The following WDR49 variants were observed in gnomAD, a reference collection of about 807,000 sequenced individuals.
WDR49 encodes the protein cilia- and flagella-associated protein 337.
Under a neutral mutation model 119.5 loss-of-function variants are expected in WDR49, and 107 were observed. That is an observed-to-expected ratio of 0.90 (90% CI 0.77 to 1.05). The LOEUF is 1.05. Ranked by LOEUF, WDR49 falls within the 50% of genes least tolerant of loss-of-function variation. The pLI is 0.00. For synonymous variants in WDR49, 425 were observed against 418.8 expected (o/e 1.01, Z -0.18); for missense variants, 1,240 against 1,220.5 (o/e 1.02, Z -0.24).
At chr3:167,594,943 C>G (rs1180001107) in intron 7 of WDR49, among the ~76,000 whole-genome samples, 21 of 150,498 alleles carry the variant, frequency 1.4e-4, no homozygotes, top group African/African-American at 4.4e-4. Flanking sequence ...TCTTTGCAGA[C>G]GACATGATTG....
chr3:167,579,762 A>C (rs560769300), intron 7 of WDR49, among the ~76,000 whole-genome samples: 7 of 152,266 alleles, frequency 4.6e-5, no homozygotes, highest in Non-Finnish European at 8.8e-5. Context: ...AGAATTGATA[A>C]GCTTTTATTT....
Position 167,620,547 on chromosome 3 carries a change from A to C in WDR49, c.840T>G (p.Ser280Arg), listed in dbSNP as rs1353724515. The C allele has an allele frequency of 1.1e-5, 17 of 1,535,640 alleles. No individual in the cohort carries two copies. The East Asian group carries it at 4.2e-4, about 38-fold the overall frequency. The change falls in exon 5 of 19, where the codon AGT becomes AGG. Residue 280 changes from serine (S) to arginine (R), a missense_variant. Physicochemically the swap from Ser to Arg is moderately radical, Grantham distance 110 (BLOSUM62 -1). Coordinates refer to ENST00000682715, the MANE Select transcript of WDR49 (RefSeq NM_001366157.1). ...TAGTGGCTTCTCCATCTTCACATGC[A>C]CTAGCAGGCCGTTCAAACAGGGAAA... The part of the protein sequence containing the change: ...ALISLFERPA[S>R]ACEDGEATMT...
intron 18 of WDR49, among the ~76,000 whole-genome samples, chr3:167,485,366 A>T (rs2108191684): frequency 6.6e-6 from 1 of 152,158 alleles, no homozygotes; most frequent in Admixed American, 6.6e-5. Context: ...AAATAAAAAT[A>T]AAAATAAATA....
rs886132895 is a variant in WDR49, at chr3:167,616,785, A to G, written c.958+3644T>C. Among the ~76,000 whole-genome samples, 7 of 152,172 alleles carry G rather than the reference A, an allele frequency of 4.6e-5. 1 individual carries two copies. The highest frequency in any genetic ancestry group is 9.7e-5 in the African/African-American group (4 of 41,430). ...CACATATACACACACCCCAAGAAAA[A>G]CTAAGGTACATCATAATCAAATGGC... On this transcript the variant is annotated intron_variant, in intron 5 of 18. Transcript: ENST00000682715.
chr3:167,537,950 G>C (rs1004818650), intron 10 of WDR49, among the ~76,000 whole-genome samples: 2 of 152,034 alleles, frequency 1.3e-5, no homozygotes, highest in South Asian at 2.1e-4. Flanking sequence ...CAGCCTCAGA[G>C]TTTCCAGTAT....
chr3:167,562,308 A>G (rs1004845173), intron 8 of WDR49, among the ~76,000 whole-genome samples: 2 of 152,138 alleles, frequency 1.3e-5, no homozygotes, highest in African/African-American at 2.4e-5. Context: ...AGTCCAGGTA[A>G]GAGATTCTCA....
rs181641138 is a variant in WDR49 at position 167,524,898 on chromosome 3, C to T, written c.2605-2414G>A. On this transcript the variant is annotated intron_variant, in intron 15 of 18. Coordinates refer to ENST00000682715, the MANE Select transcript of WDR49 (RefSeq NM_001366157.1). ...TGTATTGGCAACATGGGCTCTTTTT[C>T]AGTTCCATATAAAATTTAAAGTAGT... Among the ~76,000 whole-genome samples, 206 of 152,052 alleles carry T rather than the reference C, an allele frequency of 1.4e-3. 3 individuals carry two copies. In the East Asian group the frequency reaches 0.031, roughly 23 times the overall value.
chr3:167,576,066 A>G lies in WDR49; in HGVS notation c.1361T>C (p.Leu454Pro), dbSNP rs757277263. Residue 454 changes from leucine to proline, a missense_variant, in exon 8 of 19, where the codon CTC becomes CCC. By Grantham distance (98) the Leu-to-Pro change is moderately conservative. Coordinates refer to ENST00000682715, the MANE Select transcript of WDR49 (RefSeq NM_001366157.1). ...SFPKSQDFRCLFHFDEAHGRL... is the reference protein window; with the variant it reads ...SFPKSQDFRCPFHFDEAHGRL... ...TCCATGGGCTTCATCAAAGTGGAAG[A>G]GACATCTGAAGTCCTGACTTTTGGG... 6 of 1,614,088 alleles carry G rather than the reference A, an allele frequency of 3.7e-6. No homozygotes were observed. Among genetic ancestry groups the G allele is most frequent in the Non-Finnish European group, 5.1e-6 (6 of 1,180,036 alleles).
intron 10 of WDR49, among the ~76,000 whole-genome samples, chr3:167,554,158 T>A (rs1328952384): frequency 6.6e-6 from 1 of 152,092 alleles, no homozygotes; most frequent in Non-Finnish European, 1.5e-5. Flanking sequence ...TAATTTTCCT[T>A]CTAATGAAAT....
intron 7 of WDR49, among the ~76,000 whole-genome samples, chr3:167,580,741 A>G (rs1223605317): frequency 6.6e-6 from 1 of 152,166 alleles, no homozygotes; most frequent in African/African-American, 2.4e-5. Flanking sequence ...TCACTTAAAT[A>G]TCTAGTTATT....
At chr3:167,545,471 TA>T (rs1204701832) in intron 10 of WDR49, among the ~76,000 whole-genome samples, 1 of 140,264 alleles carries the variant, frequency 7.1e-6, no homozygotes, top group African/African-American at 2.6e-5. Flanking sequence ...AATAAGTGGA[TA>T]AAGAAAATGT....
At chr3:167,547,722 A>G (rs55930255) in intron 10 of WDR49, among the ~76,000 whole-genome samples, 2 of 151,568 alleles carry the variant, frequency 1.3e-5, no homozygotes, top group Non-Finnish European at 3.0e-5. Flanking sequence ...ATAAAAGGCT[A>G]ATTATAAAAA....
intron 7 of WDR49, among the ~76,000 whole-genome samples, chr3:167,600,351 C>T (rs1488820444): frequency 6.6e-6 from 1 of 152,082 alleles, no homozygotes; most frequent in African/African-American, 2.4e-5. Context: ...TCCTTGTGGT[C>T]CATGCCACAC....
intron 10 of WDR49, among the ~76,000 whole-genome samples, chr3:167,538,131 T>G (rs1015127663): frequency 6.6e-6 from 1 of 152,142 alleles, no homozygotes; most frequent in Non-Finnish European, 1.5e-5. Context: ...ATTTCATATA[T>G]CACCATGAGT....
intron 2 of WDR49, among the ~76,000 whole-genome samples, chr3:167,627,847 T>C (rs546699161): frequency 6.6e-6 from 1 of 152,226 alleles, no homozygotes; most frequent in African/African-American, 2.4e-5. Context: ...TATTGTACTT[T>C]GCCGATATTG....
At chr3:167,654,489 A>G (rs1718529768), upstream of WDR49, among the ~76,000 whole-genome samples, 1 of 152,200 alleles carries the variant, frequency 6.6e-6, no homozygotes, top group Non-Finnish European at 1.5e-5. Context: ...AAAAATTAAC[A>G]TTTTTTGAGT....
chr3:167,592,329 A>G (rs948684785), intron 7 of WDR49, among the ~76,000 whole-genome samples: 1 of 152,200 alleles, frequency 6.6e-6, no homozygotes, highest in Middle Eastern at 3.4e-3. Flanking sequence ...TCTACTTCAG[A>G]TAACAATAGC....
intron 13 of WDR49, among the ~76,000 whole-genome samples, chr3:167,530,265 T>C (rs1477058603): frequency 6.6e-6 from 1 of 152,102 alleles, no homozygotes; most frequent in Non-Finnish European, 1.5e-5. Context: ...ATAATTCAGA[T>C]ATGTTCATTT....
Position 167,522,819 on chromosome 3 carries a change from T to C in WDR49, c.2605-335A>G, listed in dbSNP as rs143141532. ...CATTTACTAAAAACAAAACAAAGCT[T>C]TTGTTAAAGAATTGCCACACTTATT... is the stretch of plus-strand genomic sequence containing the variant. On this transcript the variant is annotated intron_variant, in intron 15 of 18. Coordinates refer to ENST00000682715, the MANE Select transcript of WDR49 (RefSeq NM_001366157.1). 4.4e-4 allele frequency among the ~76,000 whole-genome samples: 67 copies of C among 152,306 alleles called. 2 individuals are homozygous for C. The East Asian group carries it at 0.013, about 29-fold the overall frequency.
Sources: gnomAD v4.1 joint callset for allele counts (sites outside exome capture counted in the v4.1 genomes callset) on GRCh38, gnomAD v4.1.1 for gene constraint, MANE v1.5 for transcripts, NCBI Gene and HGNC (gene_info 2026-07-23, HGNC 2026-07-21) for gene names.